LRRTM4: variants seen among roughly 807,000 people sequenced by gnomAD.
LRRTM4 encodes the protein leucine-rich repeat transmembrane neuronal protein 4.
Under a neutral mutation model 47.6 loss-of-function variants are expected in LRRTM4, and 25 were observed. That is an observed-to-expected ratio of 0.53 (90% CI 0.38 to 0.73). The LOEUF is 0.73. LRRTM4 is among the 30% of genes least tolerant of loss of function. The pLI, the probability that LRRTM4 is intolerant of heterozygous loss-of-function variation, is 0.00. For missense variants in LRRTM4, 638 were observed against 713.4 expected (o/e 0.89, Z 1.20); for synonymous variants, 311 against 269.5 (o/e 1.15, Z -1.51).
chr2:77,021,424 C>A (rs148992193), intron 3 of LRRTM4, among the ~76,000 whole-genome samples: 3 of 152,202 alleles, frequency 2.0e-5, no homozygotes, highest in African/African-American at 7.2e-5. Context: ...ATTAAGACAT[C>A]AAGATAATGC....
At chr2:77,409,952 C>T (rs994937288) in intron 3 of LRRTM4, among the ~76,000 whole-genome samples, 1 of 152,214 alleles carries the variant, frequency 6.6e-6, no homozygotes, top group Non-Finnish European at 1.5e-5. Flanking sequence ...TGACCTAATT[C>T]CTGAATAGAG....
intron 3 of LRRTM4, among the ~76,000 whole-genome samples, chr2:77,301,477 A>C (rs1677132034): frequency 6.6e-6 from 1 of 152,152 alleles, no homozygotes; most frequent in Non-Finnish European, 1.5e-5. Context: ...TCATTATGTC[A>C]CAGAGACTAT....
intron 3 of LRRTM4, among the ~76,000 whole-genome samples, chr2:76,840,240 T>C (rs1671632475): frequency 6.6e-6 from 1 of 152,202 alleles, no homozygotes; most frequent in African/African-American, 2.4e-5. Flanking sequence ...CCCAAAACTA[T>C]AGTTTAAATA....
intron 3 of LRRTM4, among the ~76,000 whole-genome samples, chr2:77,190,856 T>C (rs1253367603): frequency 6.6e-6 from 1 of 152,150 alleles, no homozygotes; most frequent in African/African-American, 2.4e-5. Context: ...AAGTGTTATG[T>C]GGAGGAATTA....
chr2:76,816,862 T>TTTG (rs1670916119), intron 3 of LRRTM4, among the ~76,000 whole-genome samples: 1 of 126,432 alleles, frequency 7.9e-6, no homozygotes, highest in Non-Finnish European at 1.6e-5. Context: ...TTTTTTTTTT[T>TTTG]GGTGCTTAAG....
intron 3 of LRRTM4, among the ~76,000 whole-genome samples, chr2:77,422,599 C>T (rs1674944850): frequency 6.6e-6 from 1 of 152,068 alleles, no homozygotes; most frequent in Non-Finnish European, 1.5e-5. Context: ...TTTATGAAAC[C>T]ATCATAGAAA....
chr2:76,944,602 A>T (rs1294770500), intron 3 of LRRTM4, among the ~76,000 whole-genome samples: 1 of 152,110 alleles, frequency 6.6e-6, no homozygotes, highest in Non-Finnish European at 1.5e-5. Flanking sequence ...AAGGAGGTTC[A>T]TCTATAGAGA....
intron 3 of LRRTM4, among the ~76,000 whole-genome samples, chr2:77,197,708 C>G (rs994867092): frequency 2.6e-5 from 4 of 152,122 alleles, no homozygotes; most frequent in African/African-American, 9.7e-5. Context: ...TTTAGCTGAC[C>G]TTCGGTCATT....
chr2:77,249,503 T>G (rs1255327094), intron 3 of LRRTM4, among the ~76,000 whole-genome samples: 1 of 149,480 alleles, frequency 6.7e-6, no homozygotes, highest in Non-Finnish European at 1.5e-5. Context: ...AAAAAAACTC[T>G]TAGATATCAA....
chr2:77,229,545 T>C (rs1674907091), intron 3 of LRRTM4, among the ~76,000 whole-genome samples: 1 of 152,088 alleles, frequency 6.6e-6, no homozygotes, highest in African/African-American at 2.4e-5. Context: ...ATAATCAGAA[T>C]TACCCGGCAT....
chr2:76,897,670 G>T (rs892543501), intron 3 of LRRTM4, among the ~76,000 whole-genome samples: 1 of 152,088 alleles, frequency 6.6e-6, no homozygotes, highest in African/African-American at 2.4e-5. Context: ...CAACTAAAAG[G>T]TAATACACTT....
chr2:76,958,696 A>G (rs1675756966), intron 3 of LRRTM4, among the ~76,000 whole-genome samples: 1 of 151,742 alleles, frequency 6.6e-6, no homozygotes, highest in South Asian at 2.1e-4. Flanking sequence ...GGTAACTTTC[A>G]TGTTTCACTG....
At chr2:77,160,695 A>C (rs888682257) in intron 3 of LRRTM4, among the ~76,000 whole-genome samples, 5 of 152,006 alleles carry the variant, frequency 3.3e-5, no homozygotes, top group Non-Finnish European at 7.4e-5. Context: ...TTGATCATAG[A>C]CCAGTCTACA....
At chr2:76,951,147 A>T (rs1333223607) in intron 3 of LRRTM4, among the ~76,000 whole-genome samples, 2 of 152,120 alleles carry the variant, frequency 1.3e-5, no homozygotes, top group Non-Finnish European at 2.9e-5. Context: ...GGAAAAAATT[A>T]TAAGTCTTGT....
chr2:77,010,549 C>G (rs906671936), intron 3 of LRRTM4, among the ~76,000 whole-genome samples: 7 of 149,066 alleles, frequency 4.7e-5, no homozygotes, highest in African/African-American at 1.2e-4. Context: ...CACACACAGT[C>G]TTTAACCATT....
intron 3 of LRRTM4, among the ~76,000 whole-genome samples, chr2:77,068,503 C>A (rs759814960): frequency 2.6e-5 from 4 of 152,144 alleles, no homozygotes; most frequent in African/African-American, 4.8e-5. Flanking sequence ...AATCTCCTTT[C>A]TATCTTCCTA....
At chr2:77,134,397 A>T (rs1254902947) in intron 3 of LRRTM4, among the ~76,000 whole-genome samples, 1 of 152,188 alleles carries the variant, frequency 6.6e-6, no homozygotes, top group African/African-American at 2.4e-5. Context: ...ACATATTTAT[A>T]CACTTTTTTC....
At chr2:77,196,470 A>G (rs1419412468) in intron 3 of LRRTM4, among the ~76,000 whole-genome samples, 1 of 152,176 alleles carries the variant, frequency 6.6e-6, no homozygotes, top group Non-Finnish European at 1.5e-5. Context: ...ACCATGGCTC[A>G]TGCCTGTAAT....
In LRRTM4 at chr2:77,375,737, G is replaced by T. The variant is rs55818263; in HGVS notation, c.1551+142581C>A. ...CATCCAGCATAATGTCATCCAGTTT[G>T]ATCACTGTTGTTGCATACGGCCGGA... On this transcript the variant is annotated intron_variant, in intron 3 of 3. Transcript: ENST00000409884. Among the ~76,000 whole-genome samples the T allele has an allele frequency of 4.6e-3, 697 of 151,786 alleles. 2 individuals carry two copies. The highest frequency in any genetic ancestry group is 0.016 in the African/African-American group (673 of 41,494).
Sources: gnomAD v4.1 joint callset for allele counts (sites outside exome capture counted in the v4.1 genomes callset) on GRCh38, gnomAD v4.1.1 for gene constraint, MANE v1.5 for transcripts, NCBI Gene and HGNC (gene_info 2026-07-23, HGNC 2026-07-21) for gene names.